COL2A1: variants seen among roughly 807,000 people sequenced by gnomAD.
COL2A1 encodes the protein collagen type II alpha 1 chain.
A neutral mutation model predicts 204.5 loss-of-function variants in COL2A1; 28 were observed. The ratio of observed to expected loss-of-function variants is 0.14; its 90% CI spans 0.10 to 0.19. The LOEUF is 0.19. COL2A1 is among the 10% of genes least tolerant of loss of function. COL2A1 has a pLI of 1.00. For synonymous variants in COL2A1, 708 were observed against 718.7 expected (o/e 0.99, Z 0.24); for missense variants, 1,388 against 2,027.5 (o/e 0.68, Z 6.06).
chr12:47,987,333 C>T lies in COL2A1; in HGVS notation c.1222-20G>A. ...GTTACCCTGAAAAGGGAGACATTGT[C>T]AAATAAGCAGCAAAGAATGAACCCC... is the stretch of plus-strand genomic sequence containing the variant. On this transcript the variant is annotated intron_variant, in intron 19 of 53. Coordinates refer to ENST00000380518, the MANE Select transcript of COL2A1 (RefSeq NM_001844.5). The surrounding 1 kb of genome is among the most constrained non-coding windows in gnomAD (Gnocchi z 4.1). The T allele has an allele frequency of 1.2e-6, 2 of 1,613,812 alleles. No homozygotes were observed. Among genetic ancestry groups the T allele is most frequent in the Non-Finnish European group, 1.7e-6 (2 of 1,179,830 alleles).
In COL2A1 at chr12:48,000,381, A is replaced by G. The variant is rs147898341; in HGVS notation, c.86-256T>C. 3.9e-4 allele frequency among the ~76,000 whole-genome samples: 59 copies of G among 152,340 alleles called. 1 individual carries two copies. The East Asian group carries it at 0.011, about 28-fold the overall frequency. On this transcript the variant is annotated intron_variant, in intron 1 of 53. Transcript: ENST00000380518. ...CACCAGTGAAAATCTTGACCCAGCA[A>G]TGAAGGTGGGGGGTTACTATACTAT...
At position 47,974,341 on chromosome 12, in the gene COL2A1, C is replaced by T; in HGVS notation, c.4075-10G>A. 1 of 1,613,438 alleles carries T rather than the reference C, an allele frequency of 6.2e-7. No individual in the cohort carries two copies. The highest frequency in any genetic ancestry group is 8.5e-7 in the Non-Finnish European group (1 of 1,179,974). ...CATCTCCATAGCTGAACTGTTGGGG[C>T]AGAGAGCGGCAGTGTGAGGCCTGGG... On this transcript the variant is annotated splice_polypyrimidine_tract_variant and intron_variant, in intron 52 of 53. Transcript: ENST00000380518.
At position 47,999,832 on chromosome 12, in the gene COL2A1, G is replaced by C. The variant is rs1592238709; in HGVS notation, c.292+87C>G. 5 of 1,214,244 alleles carry C rather than the reference G, an allele frequency of 4.1e-6. No individual in the cohort carries two copies. In the South Asian group the frequency reaches 5.0e-5, roughly 12 times the overall value. 75.2% of individuals were successfully genotyped at this position (1,214,244 alleles called of 1,614,324 possible). A position where few individuals can be genotyped will look rare whatever the true frequency, so the allele number is the denominator to read the frequency against. On this transcript the variant is annotated intron_variant, in intron 2 of 53. Coordinates refer to ENST00000380518, the MANE Select transcript of COL2A1 (RefSeq NM_001844.5). ...CATGGATAACTAGCCCCTCTGCTTTGCAGAGACGACCAGCATCTATGGGAG... is the reference window on the plus strand; with the variant it reads ...CATGGATAACTAGCCCCTCTGCTTTCCAGAGACGACCAGCATCTATGGGAG...
chr12:47,981,033 C>A, intron 37 of COL2A1, 65 bp from the exon 38 acceptor site: 1 of 1,493,250 alleles, frequency 6.7e-7, no homozygotes, highest in Non-Finnish European at 9.1e-7. Context: ...TGCTCCCCTC[C>A]AAGAGCCCCT....
chr12:48,003,565 A>C (rs1057127061), intron 1 of COL2A1, among the ~76,000 whole-genome samples: 1 of 152,080 alleles, frequency 6.6e-6, no homozygotes, highest in African/African-American at 2.4e-5. Flanking sequence ...GACGGAGGGA[A>C]GTCGAGATGA....
rs199856026 is a variant in COL2A1 at position 47,993,776 on chromosome 12, C to G, written c.924+33G>C. ...AGAGGGGCTCCTCATTGTCTCCCTCCTCCCCATCCCATTGTACTTTCTGGC... is the reference window on the plus strand; with the variant it reads ...AGAGGGGCTCCTCATTGTCTCCCTCGTCCCCATCCCATTGTACTTTCTGGC... On this transcript the variant is annotated intron_variant, in intron 14 of 53. Coordinates refer to ENST00000380518, the MANE Select transcript of COL2A1 (RefSeq NM_001844.5). 1.9e-4 allele frequency: 300 copies of G among 1,609,626 alleles called. No homozygotes were observed. In the African/African-American group the frequency reaches 3.4e-3, roughly 18 times the overall value.
rs759022222 is a variant in COL2A1, at chr12:47,980,593, G to A, written c.2586C>T (p.Ala862=). ...GEAGQKGDAG[A]PGPQGPSGAP... is the part of the protein sequence containing the mutation. The stretch of plus-strand genomic sequence containing the variant: ...CTCCAGAGGGGCCCTGAGGACCAGG[G>A]GCACCAGCATCGCCTTTCTGGCCGG... The change falls in exon 39 of 54, where the codon GCC becomes GCT. Residue 862 remains alanine, a synonymous_variant. Coordinates refer to ENST00000380518, the MANE Select transcript of COL2A1 (RefSeq NM_001844.5). This position sits in a 1 kb window ranked among gnomAD's most constrained non-coding sequence, Gnocchi z 4.5. 4.2e-5 allele frequency: 68 copies of A among 1,612,562 alleles called. No homozygotes were observed. Among genetic ancestry groups the A allele is most frequent in the Non-Finnish European group, 5.6e-5 (66 of 1,179,606 alleles).
chr12:47,996,687 G>C (rs1023116132), intron 7 of COL2A1, 62 bp from the exon 8 acceptor site: 1 of 1,346,008 alleles, frequency 7.4e-7, no homozygotes, highest in African/African-American at 1.4e-5. Flanking sequence ...TACTTGGCTA[G>C]GTAAGCTCTA....
At chr12:47,985,856 T>C in intron 24 of COL2A1, 30 bp from the exon 25 acceptor site, 2 of 1,591,698 alleles carry the variant, frequency 1.3e-6, no homozygotes, top group South Asian at 2.3e-5. Flanking sequence ...GTCAGTGGGA[T>C]ACCATGTGAC....
rs995168677 is a variant in COL2A1, at chr12:47,981,275, C to T, written c.2463+68G>A. 7.8e-6 allele frequency: 12 copies of T among 1,540,066 alleles called. No individual in the cohort carries two copies. The Admixed American group carries it at 2.0e-4, about 25-fold the overall frequency. On this transcript the variant is annotated intron_variant, in intron 37 of 53. Transcript: ENST00000380518. ...CCACCAGGCAGCATGAGGGCCTGCA[C>T]TGACTCCCTGGCTCTCTGGTTCCCA... is the stretch of plus-strand genomic sequence containing the variant.
intron 44 of COL2A1, 83 bp downstream of exon 44, chr12:47,977,927 G>T: frequency 7.6e-7 from 1 of 1,321,522 alleles, no homozygotes; most frequent in Non-Finnish European, 1.1e-6. Flanking sequence ...CCCTGACTGG[G>T]ACTTGTCCTT....
intron 1 of COL2A1, among the ~76,000 whole-genome samples, chr12:48,003,601 G>A (rs1163667578): frequency 2.0e-5 from 3 of 152,110 alleles, no homozygotes; most frequent in African/African-American, 7.2e-5. Flanking sequence ...CTTGCTCCAG[G>A]GCCAGCTGGG....
chr12:47,993,538 C>A (rs760613488), intron 14 of COL2A1, 36 bp from the exon 15 acceptor site: 14 of 1,602,006 alleles, frequency 8.7e-6, no homozygotes, highest in Admixed American at 1.7e-5. Flanking sequence ...TGTCTGGGAC[C>A]CCATTCTTGG....
At chr12:48,001,893 A>G (rs922197053) in intron 1 of COL2A1, among the ~76,000 whole-genome samples, 2 of 152,320 alleles carry the variant, frequency 1.3e-5, no homozygotes, top group South Asian at 2.1e-4. Context: ...GCAGGGCCGT[A>G]TAAGTGATTC....
intron 2 of COL2A1, chr12:47,999,653 T>TTTTTTTTTTA (rs1940137346): frequency 5.6e-6 from 1 of 179,310 alleles, no homozygotes; most frequent in African/African-American, 2.4e-5. Context: ...TTTTTTTTTT[T>TTTTTTTTTTA]GTAGAATCAC....
intron 23 of COL2A1, 132 bp downstream of exon 23, chr12:47,986,204 G>A (rs537798529): frequency 8.1e-5 from 62 of 768,490 alleles, no homozygotes; most frequent in African/African-American, 4.6e-4. Context: ...CTCTCCCCGC[G>A]GTGTGGATGG....
At chr12:47,998,640 G>C in intron 2 of COL2A1, 1 of 601,972 alleles carries the variant, frequency 1.7e-6, no homozygotes, top group East Asian at 2.9e-5. Context: ...GAGGAATGGA[G>C]GTGACCCAGA....
At chr12:47,991,291 C>G (rs180774795) in intron 16 of COL2A1, among the ~76,000 whole-genome samples, 14 of 152,354 alleles carry the variant, frequency 9.2e-5, no homozygotes, top group African/African-American at 3.1e-4. Flanking sequence ...TCTGCCACCT[C>G]TCCCTGCAGC....
rs1041748968 is a variant in COL2A1, at chr12:47,978,101, T to C, written c.3020A>G (p.Gln1007Arg). 6.2e-7 allele frequency: 1 copy of C among 1,613,522 alleles called. No individual in the cohort carries two copies. ...GTCTCCAGATGCTCCAGGAGCACCC[T>C]GCTTGCCGGGCTCACCCTGGAGGGA... ...LPGPSGEPGK[Q>R]GAPGASGDRG... The change falls in exon 44 of 54, where the codon CAG becomes CGG. Residue 1007 changes from glutamine to arginine, a missense_variant. Gln to Arg is a conservative substitution (Grantham distance 43). Around this residue, in one of 3 missense-constraint regions of COL2A1, gnomAD observed 884 missense variants for 1,415.8 expected, o/e 0.62. Transcript: ENST00000380518. The surrounding 1 kb of genome is among the most constrained non-coding windows in gnomAD (Gnocchi z 5.5).
Sources: allele counts gnomAD v4.1 joint callset (sites outside exome capture counted in the v4.1 genomes callset), GRCh38; gene constraint gnomAD v4.1.1; regional missense constraint gnomAD v4.1.1; non-coding constraint Gnocchi (gnomAD v3.1); transcripts MANE v1.5; gene names NCBI Gene and HGNC (gene_info 2026-07-23, HGNC 2026-07-21).